CEP63: variants seen among roughly 807,000 people sequenced by gnomAD.
The protein encoded by CEP63 is centrosomal protein 63, also known as centrosomal protein of 63 kDa.
A neutral mutation model predicts 89.1 loss-of-function variants in CEP63; 84 were observed. That is an observed-to-expected ratio of 0.94 (90% CI 0.79 to 1.13). The LOEUF is 1.13. CEP63 is among the 50% of genes most tolerant of loss of function. The pLI is 0.00. For synonymous variants in CEP63, 267 were observed against 272.5 expected (o/e 0.98, Z 0.20); for missense variants, 838 against 813.3 (o/e 1.03, Z -0.37).
At chr3:134,658,393 C>T in the CEP63 span, among the ~76,000 whole-genome samples, 2 of 152,166 alleles carry the variant, frequency 1.3e-5, no homozygotes, top group South Asian at 2.1e-4. Context: ...TTCCAACCTA[C>T]CTCAGATCTG....
chr3:134,515,180 T>C (rs1945941960), intron 3 of CEP63, among the ~76,000 whole-genome samples: 1 of 152,196 alleles, frequency 6.6e-6, no homozygotes, highest in Admixed American at 6.5e-5. Context: ...ATTAAAAGTA[T>C]ATATTAGTAG....
the CEP63 span, among the ~76,000 whole-genome samples, chr3:134,729,355 A>G: frequency 1.3e-5 from 2 of 152,240 alleles, no homozygotes; most frequent in Non-Finnish European, 2.9e-5. Flanking sequence ...AGCATGTTAT[A>G]CATACTGTTT....
At chr3:134,653,104 C>T in the CEP63 span, among the ~76,000 whole-genome samples, 2 of 152,212 alleles carry the variant, frequency 1.3e-5, no homozygotes, top group East Asian at 3.9e-4. Context: ...GTGGAGGCCT[C>T]CTGTCTCTCT....
the CEP63 span, among the ~76,000 whole-genome samples, chr3:134,716,455 A>C: frequency 6.6e-6 from 1 of 152,078 alleles, no homozygotes; most frequent in African/African-American, 2.4e-5. Flanking sequence ...AGAGGAAGTA[A>C]AGTTTGAGAG....
chr3:134,712,786 A>T, the CEP63 span, among the ~76,000 whole-genome samples: 1 of 151,910 alleles, frequency 6.6e-6, no homozygotes, highest in Non-Finnish European at 1.5e-5. Context: ...TCTGGGGGGA[A>T]CTCAAATTAT....
the CEP63 span, among the ~76,000 whole-genome samples, chr3:134,717,559 G>A: frequency 6.6e-6 from 1 of 152,176 alleles, no homozygotes; most frequent in Non-Finnish European, 1.5e-5. Context: ...AGGAGAGTGT[G>A]TCTTTAACGA....
intron 10 of CEP63, among the ~76,000 whole-genome samples, chr3:134,580,712 A>G (rs1958325636): frequency 6.6e-6 from 1 of 152,230 alleles, no homozygotes; most frequent in Admixed American, 6.5e-5. Flanking sequence ...ACATCATGAC[A>G]ATATGGGGTT....
chr3:134,543,682 G>A (rs372770209), intron 6 of CEP63, among the ~76,000 whole-genome samples: 15 of 152,322 alleles, frequency 9.8e-5, no homozygotes, highest in Admixed American at 7.8e-4. Flanking sequence ...CATTTTGGCA[G>A]TGGGTTTCTA....
the CEP63 span, among the ~76,000 whole-genome samples, chr3:134,661,291 A>G: frequency 6.6e-6 from 1 of 152,292 alleles, no homozygotes; most frequent in Non-Finnish European, 1.5e-5. Context: ...ATTGAAACCT[A>G]GACACCACTG....
chr3:134,552,104 C>G lies in CEP63; in HGVS notation c.1467+92C>G, dbSNP rs144048978. The G allele has an allele frequency of 1.4e-5, 10 of 696,700 alleles. No homozygotes were observed. The African/African-American group carries it at 1.6e-4, about 11-fold the overall frequency. 43.2% of individuals were successfully genotyped at this position (696,700 alleles called of 1,614,324 possible). A position where few individuals can be genotyped will look rare whatever the true frequency, so the allele number is the denominator to read the frequency against. On this transcript the variant is annotated intron_variant, in intron 12 of 14. Transcript: ENST00000675561. ...TACATTATAAAGAGAGAATTAAGAT[C>G]AACTTAGATCCTTTTGCAGAAATTT...
At chr3:134,721,730 T>C in the CEP63 span, among the ~76,000 whole-genome samples, 23 of 148,960 alleles carry the variant, frequency 1.5e-4, 1 homozygote, top group African/African-American at 5.6e-4. Flanking sequence ...TGAAATAATC[T>C]GATGCTTTCT....
the CEP63 span, chr3:134,629,564 A>G: frequency 1.4e-6 from 2 of 1,390,406 alleles, no homozygotes; most frequent in Non-Finnish European, 2.0e-6. Flanking sequence ...TGGCCCAACC[A>G]GCTGCCTTCA....
At chr3:134,500,207 G>A (rs111388644) in intron 2 of CEP63, among the ~76,000 whole-genome samples, 83 of 152,252 alleles carry the variant, frequency 5.5e-4, no homozygotes, top group African/African-American at 1.9e-3. Context: ...TTGGTTCTCT[G>A]CTTCTGTGTT....
At chr3:134,734,131 T>C in the CEP63 span, among the ~76,000 whole-genome samples, 1 of 152,138 alleles carries the variant, frequency 6.6e-6, no homozygotes, top group Non-Finnish European at 1.5e-5. Flanking sequence ...CCAGGAAATT[T>C]ATTACAGAAA....
At chr3:134,532,673 A>G in intron 4 of CEP63, 105 bp from the exon 5 acceptor site, 1 of 828,298 alleles carries the variant, frequency 1.2e-6, no homozygotes, top group Non-Finnish European at 2.0e-6. Flanking sequence ...ACATGTTCTC[A>G]GTAGTACTGG....
chr3:134,659,615 C>T, the CEP63 span, among the ~76,000 whole-genome samples: 1 of 152,164 alleles, frequency 6.6e-6, no homozygotes, highest in South Asian at 2.1e-4. Context: ...AAATGTGGGC[C>T]AGCCACTCGC....
chr3:134,572,599 T>C (rs1958057008), intron 11 of CEP63, among the ~76,000 whole-genome samples: 1 of 152,228 alleles, frequency 6.6e-6, no homozygotes. Flanking sequence ...TTCTTTTCTA[T>C]GGCTATGTAG....
chr3:134,538,566 T>TATATATATATATGTATATATATA (rs1407833955), intron 6 of CEP63, among the ~76,000 whole-genome samples: 1 of 144,044 alleles, frequency 6.9e-6, no homozygotes, highest in Non-Finnish European at 1.5e-5. Context: ...TATATATATA[T>TATATATATATATGTATATATATA]TTTTTTAACA....
chr3:134,629,737 C>A, the CEP63 span: 1 of 1,323,896 alleles, frequency 7.6e-7, no homozygotes, highest in Non-Finnish European at 1.1e-6. Context: ...CAGATGCTGC[C>A]AGGAAAGGGT....
Sources: gnomAD v4.1 joint callset for allele counts (sites outside exome capture counted in the v4.1 genomes callset) on GRCh38, gnomAD v4.1.1 for gene constraint, MANE v1.5 for transcripts, NCBI Gene and HGNC (gene_info 2026-07-23, HGNC 2026-07-21) for gene names.